WWOX: variants seen among roughly 807,000 people sequenced by gnomAD.
WWOX encodes WW domain containing oxidoreductase.
A neutral mutation model predicts 46.2 loss-of-function variants in WWOX; 69 were observed. The observed-to-expected ratio is 1.49, with a 90% CI of 1.23 to 1.82. The LOEUF (loss-of-function observed/expected upper bound fraction) is 1.82. Ranked by LOEUF, WWOX falls within the 40% of genes most tolerant of loss-of-function variation. The probability of loss-of-function intolerance (pLI) is 0.00; values close to 1 mark genes in which losing one functional copy is unlikely to be tolerated. For missense variants in WWOX, 919 were observed against 542.6 expected, an observed-to-expected ratio of 1.69 and a Z score of -6.89; for synonymous variants, 359 against 202.6, an observed-to-expected ratio of 1.77 and a Z score of -6.56.
At chr16:78,757,086 C>T (rs2142474354) in intron 8 of WWOX, 1 of 698,350 alleles carries the variant, frequency 1.4e-6, no homozygotes, top group Middle Eastern at 2.5e-4. Flanking sequence ...GCCTTTGCTG[C>T]AATCTTGACT....
In WWOX at chr16:78,491,755, G is replaced by T. The variant is rs149601837; in HGVS notation, c.1056+59003G>T. Among the ~76,000 whole-genome samples the T allele has an allele frequency of 6.5e-3, 983 of 152,264 alleles. 11 individuals carry two copies. The highest frequency in any genetic ancestry group is 0.022 in the African/African-American group (928 of 41,542). On this transcript the variant is annotated intron_variant, in intron 8 of 8. Transcript: ENST00000566780. ...AGTTTATTTGTAAGCTGGGAGATGGGAGCTGAATTTGAAACCCCAGGAGAA... is the reference window on the plus strand; with the variant it reads ...AGTTTATTTGTAAGCTGGGAGATGGTAGCTGAATTTGAAACCCCAGGAGAA...
chr16:78,494,936 T>A (rs2084874630), intron 8 of WWOX, among the ~76,000 whole-genome samples: 1 of 152,186 alleles, frequency 6.6e-6, no homozygotes, highest in Admixed American at 6.5e-5. Context: ...CTTTCGGTAC[T>A]TTGTTGCAAC....
chr16:78,757,947 G>A (rs1171820351), intron 8 of WWOX, among the ~76,000 whole-genome samples: 8 of 151,940 alleles, frequency 5.3e-5, no homozygotes, highest in Non-Finnish European at 1.2e-4. Context: ...CCAAATATGA[G>A]TTTGGGGGGA....
At chr16:78,202,267 G>A (rs951421424) in intron 5 of WWOX, among the ~76,000 whole-genome samples, 2 of 152,222 alleles carry the variant, frequency 1.3e-5, no homozygotes, top group African/African-American at 4.8e-5. Flanking sequence ...TGGTCCTGGT[G>A]CAACATGCCA....
At chr16:78,596,687 A>G (rs1361044253) in intron 8 of WWOX, among the ~76,000 whole-genome samples, 1 of 152,146 alleles carries the variant, frequency 6.6e-6, no homozygotes, top group African/African-American at 2.4e-5. Flanking sequence ...AGCAGGGAGA[A>G]TCAGTTGAGA....
chr16:79,078,021 A>G (rs574669266), intron 8 of WWOX: 2 of 152,124 alleles, frequency 1.3e-5, no homozygotes, highest in South Asian at 2.1e-4. Context: ...TATCAAGGTT[A>G]GTGTGTGGTT....
At chr16:78,936,261 T>A (rs895931599) in intron 8 of WWOX, among the ~76,000 whole-genome samples, 1 of 152,134 alleles carries the variant, frequency 6.6e-6, no homozygotes, top group Non-Finnish European at 1.5e-5. Context: ...ACCTTTGACC[T>A]GGGCCTTCAA....
intron 8 of WWOX, among the ~76,000 whole-genome samples, chr16:78,541,208 C>T (rs1277833876): frequency 6.6e-6 from 1 of 152,006 alleles, no homozygotes; most frequent in Non-Finnish European, 1.5e-5. Context: ...GGCGCGGTGG[C>T]TCACGCCTGT....
chr16:78,136,181 A>G (rs1008429915), intron 4 of WWOX, among the ~76,000 whole-genome samples: 2 of 152,214 alleles, frequency 1.3e-5, no homozygotes, highest in Non-Finnish European at 2.9e-5. Flanking sequence ...GTAACATGTA[A>G]GAAATTACAT....
rs530021345 is a variant in WWOX, at chr16:79,058,117, A to C, written c.1057-153491A>C. Among the ~76,000 whole-genome samples the C allele has an allele frequency of 5.3e-3, 468 of 88,434 alleles. 4 individuals are homozygous for C. The highest frequency in any genetic ancestry group is 7.3e-3 in the African/African-American group (121 of 16,502). The allele number at this position is 88,434 out of a possible 152,430, so 58.0% of individuals were successfully genotyped here. Reference sequence around the variant, plus strand: ...AGATATATCTTACTTAAAAAAAAAAAAAACAAACAAACAAAAAAAAAAAAC... The same window carrying C: ...AGATATATCTTACTTAAAAAAAAAACAAACAAACAAACAAAAAAAAAAAAC... On this transcript the variant is annotated intron_variant, in intron 8 of 8. Transcript: ENST00000566780.
chr16:78,946,708 G>A lies in WWOX; in HGVS notation c.1057-264900G>A, dbSNP rs555043966. Among the ~76,000 whole-genome samples, 11 of 152,202 alleles carry A rather than the reference G, an allele frequency of 7.2e-5. No homozygotes were observed. In the South Asian group the frequency reaches 2.3e-3, roughly 32 times the overall value. On this transcript the variant is annotated intron_variant, in intron 8 of 8. Transcript: ENST00000566780. Reference sequence around the variant, plus strand: ...GCCTGGAAAACTGTGTGGTGCGTCTGTTTTTCAGAGCGTTGAGAGTCATGC... The same window carrying A: ...GCCTGGAAAACTGTGTGGTGCGTCTATTTTTCAGAGCGTTGAGAGTCATGC...
At chr16:78,818,519 C>G (rs1015752606) in intron 8 of WWOX, among the ~76,000 whole-genome samples, 6 of 152,160 alleles carry the variant, frequency 3.9e-5, no homozygotes, top group Non-Finnish European at 7.3e-5. Flanking sequence ...TCACTTGAAG[C>G]CAGGAGTTTG....
chr16:78,999,905 A>G (rs1025991392), intron 8 of WWOX, among the ~76,000 whole-genome samples: 2 of 152,264 alleles, frequency 1.3e-5, no homozygotes, highest in Non-Finnish European at 2.9e-5. Flanking sequence ...TGATTATAAA[A>G]TGAAAATTCT....
At chr16:78,552,300 G>A (rs1020580401) in intron 8 of WWOX, 1 of 152,130 alleles carries the variant, frequency 6.6e-6, no homozygotes, top group Non-Finnish European at 1.5e-5. Flanking sequence ...GCTTCCATAC[G>A]GGGTGTTTTA....
At chr16:78,379,226 G>A (rs1167545869) in intron 5 of WWOX, among the ~76,000 whole-genome samples, 1 of 152,108 alleles carries the variant, frequency 6.6e-6, no homozygotes, top group Non-Finnish European at 1.5e-5. Context: ...ATGAGATTCT[G>A]GAAATAAGTT....
chr16:78,611,188 G>C (rs138478358), intron 8 of WWOX, among the ~76,000 whole-genome samples: 2 of 152,258 alleles, frequency 1.3e-5, no homozygotes, highest in East Asian at 3.9e-4. Context: ...TTTGCCCTTG[G>C]ACAAGGGAGT....
chr16:78,604,953 T>C (rs1241636459), intron 8 of WWOX, among the ~76,000 whole-genome samples: 3 of 990 alleles, frequency 3.0e-3, no homozygotes, highest in Admixed American at 0.014. Context: ...CCTTCTTTCC[T>C]TCCTTTCTTT....
rs535175597 is a variant in WWOX, at chr16:78,402,068, C to T, written c.605+15120C>T. Among the ~76,000 whole-genome samples, 3 of 152,284 alleles carry T rather than the reference C, an allele frequency of 2.0e-5. No individual in the cohort carries two copies. In the East Asian group the frequency reaches 5.8e-4, roughly 29 times the overall value. Reference sequence around the variant, plus strand: ...GTTCACAAAGTTACGTTACCATTACCACTTTTGAATTGCAGAACAATTTCA... The same window carrying T: ...GTTCACAAAGTTACGTTACCATTACTACTTTTGAATTGCAGAACAATTTCA... On this transcript the variant is annotated intron_variant, in intron 6 of 8. Coordinates refer to ENST00000566780, the MANE Select transcript of WWOX (RefSeq NM_016373.4).
chr16:78,117,744 G>C lies in WWOX; in HGVS notation c.409+2590G>C, dbSNP rs144410984. ...GCTGAATGCCGAGTGAGTGAATTGG[G>C]CATCTTTACTTCCAAGACTTCTGGG... On this transcript the variant is annotated intron_variant, in intron 4 of 8. Coordinates refer to ENST00000566780, the MANE Select transcript of WWOX (RefSeq NM_016373.4). 2.5e-3 allele frequency among the ~76,000 whole-genome samples: 373 copies of C among 152,242 alleles called. 3 individuals carry two copies. Among genetic ancestry groups the C allele is most frequent in the African/African-American group, 8.7e-3 (361 of 41,532 alleles).
Sources: gnomAD v4.1 joint callset for allele counts (sites outside exome capture counted in the v4.1 genomes callset) on GRCh38, gnomAD v4.1.1 for gene constraint, MANE v1.5 for transcripts, NCBI Gene and HGNC (gene_info 2026-07-23, HGNC 2026-07-21) for gene names.